TTC28: variants seen among roughly 807,000 people sequenced by gnomAD.
The protein encoded by TTC28 is tetratricopeptide repeat domain 28.
Under a neutral mutation model 198.0 loss-of-function variants are expected in TTC28, and 61 were observed. That is an observed-to-expected ratio of 0.31 (90% CI 0.25 to 0.38). The LOEUF is 0.38. TTC28 is among the 10% of genes least tolerant of loss of function. The pLI is 1.00. For synonymous variants in TTC28, 1,171 were observed against 1,297.8 expected (o/e 0.90, Z 2.10); for missense variants, 2,678 against 3,164.0 (o/e 0.85, Z 3.69).
intron 2 of TTC28, chr22:28,443,052 C>G (rs2047649075): frequency 1.3e-5 from 2 of 152,282 alleles, no homozygotes; most frequent in Non-Finnish European, 2.9e-5. Context: ...GGAAAAGCCC[C>G]AGGAGAGTCC....
At chr22:28,018,272 TGTGTGTATGTGTGTGC>T (rs1388339304) in intron 13 of TTC28, among the ~76,000 whole-genome samples, 3 of 114,914 alleles carry the variant, frequency 2.6e-5, no homozygotes, top group African/African-American at 1.0e-4. Context: ...TGTGTGTGTG[TGTGTGTATGTGTGTGC>T]GCGCGTGTGT....
intron 2 of TTC28, among the ~76,000 whole-genome samples, chr22:28,368,513 G>A (rs1331953556): frequency 6.6e-6 from 1 of 151,980 alleles, no homozygotes; most frequent in Non-Finnish European, 1.5e-5. Flanking sequence ...TTTTACCACT[G>A]TTATTCAACA....
intron 1 of TTC28, among the ~76,000 whole-genome samples, chr22:28,663,022 G>A (rs865837595): frequency 1.3e-5 from 2 of 152,100 alleles, no homozygotes; most frequent in African/African-American, 4.8e-5. Context: ...GCTGAGGCAG[G>A]CTGATCTCGA....
intron 13 of TTC28, among the ~76,000 whole-genome samples, chr22:28,015,597 A>T (rs980874335): frequency 1.4e-4 from 21 of 150,006 alleles, no homozygotes; most frequent in Admixed American, 2.7e-4. Flanking sequence ...TAATTTGTAA[A>T]TTTTTTTTTG....
At chr22:28,558,039 T>A (rs2049812504) in intron 2 of TTC28, among the ~76,000 whole-genome samples, 1 of 152,330 alleles carries the variant, frequency 6.6e-6, no homozygotes, top group African/African-American at 2.4e-5. Context: ...TTTATTTTGA[T>A]TTTTTTACTT....
intron 6 of TTC28, among the ~76,000 whole-genome samples, chr22:28,131,662 T>C (rs990382563): frequency 2.6e-5 from 4 of 152,212 alleles, no homozygotes; most frequent in African/African-American, 7.2e-5. Context: ...TCAGGGACTG[T>C]CTGTATATGT....
chr22:28,644,982 A>T (rs1269805421), intron 1 of TTC28, among the ~76,000 whole-genome samples: 1 of 151,908 alleles, frequency 6.6e-6, no homozygotes, highest in Non-Finnish European at 1.5e-5. Flanking sequence ...CATCTCTACT[A>T]AAAATACAAA....
intron 5 of TTC28, among the ~76,000 whole-genome samples, chr22:28,265,304 G>A (rs1931612293): frequency 3.3e-5 from 5 of 152,124 alleles, no homozygotes; most frequent in Admixed American, 3.3e-4. Flanking sequence ...GCCTATGTGA[G>A]GAACTAGTAA....
chr22:28,574,379 TGTGTGA>T (rs1417393617), intron 2 of TTC28, among the ~76,000 whole-genome samples: 1 of 151,536 alleles, frequency 6.6e-6, no homozygotes. Context: ...GTGTGTGTTG[TGTGTGA>T]GTGTGTGTGT....
intron 2 of TTC28, among the ~76,000 whole-genome samples, chr22:28,396,327 G>A (rs2046814954): frequency 6.6e-6 from 1 of 152,134 alleles, no homozygotes; most frequent in South Asian, 2.1e-4. Flanking sequence ...GTATTGAAAG[G>A]CCCAATCTGA....
intron 12 of TTC28, among the ~76,000 whole-genome samples, chr22:28,080,027 C>A (rs1390241807): frequency 6.6e-6 from 1 of 152,176 alleles, no homozygotes; most frequent in African/African-American, 2.4e-5. Flanking sequence ...CCATGCCCAG[C>A]TGATTTTCTT....
At chr22:28,309,566 A>G (rs1230016975) in intron 2 of TTC28, among the ~76,000 whole-genome samples, 2 of 152,180 alleles carry the variant, frequency 1.3e-5, no homozygotes, top group African/African-American at 4.8e-5. Context: ...TTCTCCTTCT[A>G]TGGGTTCCAG....
chr22:28,657,348 A>T (rs922978429), intron 1 of TTC28, among the ~76,000 whole-genome samples: 1 of 152,174 alleles, frequency 6.6e-6, no homozygotes, highest in African/African-American at 2.4e-5. Flanking sequence ...TCATATCTGG[A>T]TTTGTAGCTT....
chr22:28,169,267 A>G (rs1034450573), intron 5 of TTC28, among the ~76,000 whole-genome samples: 2 of 152,194 alleles, frequency 1.3e-5, no homozygotes, highest in Non-Finnish European at 2.9e-5. Flanking sequence ...CGGTGTGGTG[A>G]TTCCTCAGGG....
chr22:28,410,676 G>A (rs1167503141), intron 2 of TTC28, among the ~76,000 whole-genome samples: 1 of 152,140 alleles, frequency 6.6e-6, no homozygotes, highest in Non-Finnish European at 1.5e-5. Flanking sequence ...AGGAGCCCAA[G>A]AGAGACTAAA....
At chr22:28,028,093 A>G (rs1006155859) in intron 13 of TTC28, among the ~76,000 whole-genome samples, 10 of 152,230 alleles carry the variant, frequency 6.6e-5, no homozygotes, top group African/African-American at 2.4e-4. Flanking sequence ...GGCTTACCAC[A>G]TTGAAGCGAG....
At chr22:28,288,882 C>T (rs1432526158) in intron 5 of TTC28, among the ~76,000 whole-genome samples, 1 of 151,736 alleles carries the variant, frequency 6.6e-6, no homozygotes, top group Non-Finnish European at 1.5e-5. Context: ...AATTCAAGCC[C>T]AAGCTTGTTG....
intron 2 of TTC28, among the ~76,000 whole-genome samples, chr22:28,590,421 G>A (rs910485630): frequency 7.2e-5 from 11 of 151,962 alleles, no homozygotes; most frequent in African/African-American, 2.2e-4. Context: ...GAGCCACCAC[G>A]CCCAGCCTCC....
rs111706712 is a variant in TTC28 at position 27,980,952 on chromosome 22, A to AG, written c.*1268dup. The AG allele has an allele frequency of 6.6e-6, 1 of 152,256 alleles. No individual in the cohort carries two copies. The highest frequency in any genetic ancestry group is 2.4e-5 in the African/African-American group (1 of 41,434). 9.4% of individuals were successfully genotyped at this position (152,256 alleles called of 1,614,324 possible). ...TAATCCAGGCATACGTCCCAGCAAA[A>AG]GGCCCTGTTGCTTAGGATCTGTACG... On this transcript the variant is annotated 3_prime_UTR_variant, in exon 23 of 23. Transcript: ENST00000397906.
Sources: gnomAD v4.1 joint callset for allele counts (sites outside exome capture counted in the v4.1 genomes callset) on GRCh38, gnomAD v4.1.1 for gene constraint, MANE v1.5 for transcripts, NCBI Gene and HGNC (gene_info 2026-07-23, HGNC 2026-07-21) for gene names.